The following SHF variants were observed in gnomAD, a reference collection of about 807,000 sequenced individuals.
The protein encoded by SHF is SH2 domain-containing adapter protein F.
SHF carries 30 observed loss-of-function variants against 42.4 expected under a neutral mutation model. That is an observed-to-expected ratio of 0.71 (90% CI 0.53 to 0.96). The LOEUF (loss-of-function observed/expected upper bound fraction) is 0.96. Ranked by LOEUF, SHF falls within the 40% of genes least tolerant of loss-of-function variation. The pLI is 0.00. For missense variants in SHF, 598 were observed against 634.0 expected, an observed-to-expected ratio of 0.94 and a Z score of 0.61; for synonymous variants, 264 against 269.9, an observed-to-expected ratio of 0.98 and a Z score of 0.21.
At chr15:45,196,664 G>A (rs1194434682) in intron 2 of SHF, among the ~76,000 whole-genome samples, 3 of 151,972 alleles carry the variant, frequency 2.0e-5, no homozygotes, top group Admixed American at 6.5e-5. Context: ...TTGGGAGGCC[G>A]AGGCGGGCAG....
intron 2 of SHF, among the ~76,000 whole-genome samples, chr15:45,177,349 A>T (rs1897866971): frequency 6.6e-6 from 1 of 152,158 alleles, no homozygotes; most frequent in Non-Finnish European, 1.5e-5. Context: ...GTGAAGTATT[A>T]AGAAGCCCAT....
exon 1 of SHF, chr15:45,200,749 T>C (rs1567044447): frequency 4.4e-6 from 2 of 456,086 alleles, no homozygotes; most frequent in South Asian, 1.5e-5. Context: ...GGAAGTTGTA[T>C]GGTGGTGGGT....
upstream of SHF, among the ~76,000 whole-genome samples, chr15:45,188,233 C>G (rs1298333845): frequency 1.3e-5 from 2 of 152,134 alleles, no homozygotes; most frequent in African/African-American, 4.8e-5. Flanking sequence ...TGTCGCCACG[C>G]GGTCCCCTGT....
chr15:45,190,478 G>A (rs1017115922), upstream of SHF, among the ~76,000 whole-genome samples: 11 of 152,288 alleles, frequency 7.2e-5, no homozygotes, highest in Admixed American at 3.9e-4. Flanking sequence ...TGGAAAGGGC[G>A]TGATAATCAT....
intron 1 of SHF, among the ~76,000 whole-genome samples, chr15:45,180,116 T>A (rs990127687): frequency 5.3e-5 from 8 of 152,154 alleles, no homozygotes. Context: ...TCTCAGATCA[T>A]CCAATTACCA....
Position 45,168,040 on chromosome 15 carries a change from A to C in SHF, c.1374T>G (p.Pro458=). 6.2e-7 allele frequency: 1 copy of C among 1,613,708 alleles called. No individual in the cohort carries two copies. The highest frequency in any genetic ancestry group is 8.5e-7 in the Non-Finnish European group (1 of 1,179,718). ...GGCTGGCATAGTGGTGCACAATTTCAGGGACGCTGCTGAAGGGCGGGCTGT... is the reference window on the plus strand; with the variant it reads ...GGCTGGCATAGTGGTGCACAATTTCCGGGACGCTGCTGAAGGGCGGGCTGT... ...GQNSPPFSSV[P]EIVHHYASRK... Residue 458 remains proline, a synonymous_variant, in exon 7 of 7, where the codon CCT becomes CCG. Transcript: ENST00000690270.
chr15:45,168,186 A>G, intron 6 of SHF, 53 bp from the exon 7 acceptor site: 1 of 1,484,458 alleles, frequency 6.7e-7, no homozygotes, highest in Non-Finnish European at 9.1e-7. Flanking sequence ...CAGCCCCCTC[A>G]TCCATCCACC....
chr15:45,196,116 G>A (rs925395525), intron 2 of SHF, among the ~76,000 whole-genome samples: 1 of 34,514 alleles, frequency 2.9e-5, no homozygotes, highest in African/African-American at 1.0e-4. Context: ...TTTTTTTTTT[G>A]AGATGGAGTC....
chr15:45,175,821 T>A (rs1464626203), intron 2 of SHF, among the ~76,000 whole-genome samples: 31 of 2,270 alleles, frequency 0.014, no homozygotes, highest in Non-Finnish European at 0.12. Context: ...TTTCTTTTCT[T>A]TTTTTTTTTT....
In SHF at chr15:45,175,330, C is replaced by T. The variant is rs1405643471; in HGVS notation, c.736G>A (p.Gly246Arg). The T allele has an allele frequency of 6.9e-6, 11 of 1,604,260 alleles. No individual in the cohort carries two copies. The highest frequency in any genetic ancestry group is 8.5e-6 in the Non-Finnish European group (10 of 1,175,332). Reference protein sequence around the residue: ...EEDGATAEGEGAPWPRESRLP... With the variant: ...EEDGATAEGERAPWPRESRLP... ...CGGGACTCCCGGGGCCAGGGGGCCC[C>T]CTCACCTTCCGCGGTGGCCCCATCC... The change falls in exon 3 of 7, where the codon GGG becomes AGG. Residue 246 changes from glycine (G) to arginine (R), a missense_variant. Physicochemically the swap from Gly to Arg is moderately radical, Grantham distance 125. Around this residue, in one of 2 missense-constraint regions of SHF, gnomAD observed 439 missense variants for 524.6 expected, o/e 0.84. Coordinates refer to ENST00000690270, the MANE Select transcript of SHF (RefSeq NM_001394037.1).
rs1446620981 is a variant in SHF at position 45,187,873 on chromosome 15, C to T, written c.79G>A (p.Gly27Arg). Residue 27 changes from glycine (G) to arginine (R), a missense_variant, in exon 1 of 7, where the codon GGG (glycine) becomes AGG (arginine). Coordinates refer to ENST00000690270, the MANE Select transcript of SHF (RefSeq NM_001394037.1). ...GCACCCCCGGCGCCCCGGCGGGACC[C>T]CCCCGGGCCGCCCCCAGCGCTCCCC... is the stretch of plus-strand genomic sequence containing the variant. ...TQGSAGGGPG[G>R]SRRGAGGAGA... 2 of 1,164,146 alleles carry T rather than the reference C, an allele frequency of 1.7e-6. No homozygotes were observed. Among genetic ancestry groups the T allele is most frequent in the Non-Finnish European group, 1.1e-6 (1 of 938,688 alleles). 72.1% of individuals were successfully genotyped at this position (1,164,146 alleles called of 1,614,324 possible). A position where few individuals can be genotyped will look rare whatever the true frequency, so the allele number is the denominator to read the frequency against.
rs1003665011 is a variant in SHF, at chr15:45,173,640, A to G, written c.924T>C (p.Asp308=). 17 of 1,551,332 alleles carry G rather than the reference A, an allele frequency of 1.1e-5. No homozygotes were observed. Among genetic ancestry groups the G allele is most frequent in the South Asian group, 7.1e-5 (6 of 84,048 alleles). ...CTGGACCGGAGATGTCCCTGTCCCC[A>G]TCAGGCAGGGAGGGGCTGCTGTCCA... ...GQLDSSPSLP[D]GDRDISGPAS... is the part of the protein sequence containing the mutation. The change falls in exon 4 of 7, where the codon GAT becomes GAC. Residue 308 remains aspartate, a synonymous_variant. Coordinates refer to ENST00000690270, the MANE Select transcript of SHF (RefSeq NM_001394037.1).
chr15:45,191,183 A>G (rs190137787), upstream of SHF, among the ~76,000 whole-genome samples: 224 of 151,590 alleles, frequency 1.5e-3, no homozygotes, highest in African/African-American at 5.3e-3. Flanking sequence ...TCCTACCTCA[A>G]CCTCCCGCGT....
Position 45,167,909 on chromosome 15 carries a change from G to T in SHF, c.*38C>A. ...CCCTCAGCCAGGTGATGGGCACAGG[G>T]CTGGGTACAGGTCTATCACAGTGCC... On this transcript the variant is annotated 3_prime_UTR_variant, in exon 7 of 7. Coordinates refer to ENST00000690270, the MANE Select transcript of SHF (RefSeq NM_001394037.1). 6.6e-7 allele frequency: 1 copy of T among 1,515,222 alleles called. No homozygotes were observed. Among genetic ancestry groups the T allele is most frequent in the African/African-American group, 1.4e-5 (1 of 72,906 alleles). The allele number at this position is 1,515,222 out of a possible 1,614,324, so 93.9% of individuals were successfully genotyped here. A position where few individuals can be genotyped will look rare whatever the true frequency, so the allele number is the denominator to read the frequency against.
At chr15:45,196,096 T>TG (rs1190069940) in intron 2 of SHF, among the ~76,000 whole-genome samples, 3 of 117,584 alleles carry the variant, frequency 2.6e-5, no homozygotes, top group South Asian at 5.9e-4. Flanking sequence ...GCTGACTTCC[T>TG]GTTTTTTTTT....
upstream of SHF, chr15:45,188,032 C>T (rs1205803920): frequency 7.7e-6 from 2 of 261,146 alleles, no homozygotes; most frequent in African/African-American, 4.6e-5. Context: ...CGGGGCTCCG[C>T]CGGGCGGGGA....
upstream of SHF, among the ~76,000 whole-genome samples, chr15:45,189,748 C>CG (rs34935000): frequency 0.33 from 49,813 of 151,826 alleles, 9,256 homozygotes; most frequent in East Asian, 0.61. Flanking sequence ...GAGTTCAAAG[C>CG]GGGGGGTGTA....
intron 1 of SHF, among the ~76,000 whole-genome samples, chr15:45,183,111 C>T (rs988207391): frequency 1.3e-5 from 2 of 152,184 alleles, no homozygotes; most frequent in African/African-American, 4.8e-5. Context: ...AGTCTGCTTC[C>T]TCTTGTTCAT....
At chr15:45,190,451 C>A (rs750119920), upstream of SHF, among the ~76,000 whole-genome samples, 1 of 152,144 alleles carries the variant, frequency 6.6e-6, no homozygotes, top group African/African-American at 2.4e-5. Flanking sequence ...GCTACTGATA[C>A]TTGCTTTCAT....
Sources: gnomAD v4.1 joint callset for allele counts (sites outside exome capture counted in the v4.1 genomes callset) on GRCh38, gnomAD v4.1.1 for gene constraint, gnomAD v4.1.1 regional missense constraint, MANE v1.5 for transcripts, NCBI Gene and HGNC (gene_info 2026-07-23, HGNC 2026-07-21) for gene names.